Variants in TDRD1 observed in about 807,000 individuals in gnomAD.
The protein encoded by TDRD1 is tudor domain containing 1.
Under a neutral mutation model 140.6 loss-of-function variants are expected in TDRD1, and 37 were observed. That is an observed-to-expected ratio of 0.26 (90% CI 0.20 to 0.35). TDRD1 has a LOEUF of 0.35. TDRD1 is among the 10% of genes least tolerant of loss of function. TDRD1 has a pLI of 1.00. For missense variants in TDRD1, 1,243 were observed against 1,393.0 expected (o/e 0.89, Z 1.71); for synonymous variants, 506 against 475.7 (o/e 1.06, Z -0.83).
intron 6 of TDRD1, 45 bp from the exon 7 acceptor site, chr10:114,203,027 C>T (rs370157403): frequency 5.8e-5 from 75 of 1,294,886 alleles, no homozygotes; most frequent in East Asian, 3.0e-4. Context: ...ATCATTGAAA[C>T]ATGTGCTTTT....
intron 16 of TDRD1, among the ~76,000 whole-genome samples, chr10:114,216,124 T>C (rs985844185): frequency 4.6e-5 from 7 of 152,248 alleles, no homozygotes; most frequent in African/African-American, 1.7e-4. Flanking sequence ...CAGCTTCTCC[T>C]GTAGTTAGCA....
chr10:114,227,880 T>C (rs756257834), intron 23 of TDRD1, 30 bp from the exon 24 acceptor site: 1 of 1,591,320 alleles, frequency 6.3e-7, no homozygotes, highest in South Asian at 1.1e-5. Flanking sequence ...TTATGTGTTA[T>C]CTAATGGCTT....
chr10:114,182,873 A>G (rs549393477), intron 1 of TDRD1, among the ~76,000 whole-genome samples: 22 of 151,858 alleles, frequency 1.4e-4, no homozygotes, highest in African/African-American at 5.3e-4. Flanking sequence ...TTTAGTAGAG[A>G]CGGGGTTTCA....
At chr10:114,200,489 C>G (rs557884790) in intron 4 of TDRD1, among the ~76,000 whole-genome samples, 9 of 152,120 alleles carry the variant, frequency 5.9e-5, no homozygotes, top group Middle Eastern at 3.4e-3. Flanking sequence ...GTGTGATTCT[C>G]ATTGTTTATT....
intron 11 of TDRD1, 121 bp from the exon 12 acceptor site, chr10:114,210,460 C>T (rs993396710): frequency 1.6e-5 from 15 of 956,982 alleles, no homozygotes; most frequent in Middle Eastern, 3.5e-4. Flanking sequence ...CTCAGACTGC[C>T]ATCTTCCAGG....
exon 26 of TDRD1, chr10:114,231,991 AAAT>A (rs2036782435): frequency 6.6e-6 from 1 of 151,712 alleles, no homozygotes; most frequent in Non-Finnish European, 1.5e-5. Flanking sequence ...TGTCCGTTTG[AAAT>A]ATTTTGTAAT....
chr10:114,213,926 C>T (rs761275905), intron 15 of TDRD1, 51 bp from the exon 16 acceptor site: 31 of 1,597,592 alleles, frequency 1.9e-5, no homozygotes, highest in Middle Eastern at 1.7e-4. Flanking sequence ...ACCCCAACCT[C>T]GCTACATCCC....
At chr10:114,195,590 T>C (rs146910105) in intron 3 of TDRD1, among the ~76,000 whole-genome samples, 81 of 152,326 alleles carry the variant, frequency 5.3e-4, no homozygotes, top group African/African-American at 1.9e-3. Flanking sequence ...CTGTAATCTG[T>C]TTTATCTGAT....
upstream of TDRD1, among the ~76,000 whole-genome samples, chr10:114,176,047 G>T (rs2032688856): frequency 6.6e-6 from 1 of 152,054 alleles, no homozygotes; most frequent in South Asian, 2.1e-4. The surrounding 1 kb of genome is among the most constrained non-coding windows in gnomAD (Gnocchi z 4.2). Context: ...AAACCCTGAT[G>T]AAATAATGGA....
intron 25 of TDRD1, among the ~76,000 whole-genome samples, chr10:114,229,140 C>T (rs2036610494): frequency 6.6e-6 from 1 of 151,996 alleles, no homozygotes; most frequent in Admixed American, 6.6e-5. Flanking sequence ...ATAAAGTTGT[C>T]TCTCCTCACC....
At chr10:114,228,172 A>C (rs11196661) in intron 25 of TDRD1, 62,565 of 1,522,006 alleles carry the variant, frequency 0.041, 1,489 homozygotes, top group Admixed American at 0.054. Context: ...GTGATCACCA[A>C]TAGGACATCT....
At position 114,219,684 on chromosome 10, in the gene TDRD1, T is replaced by C. The variant is rs575300459; in HGVS notation, c.2495-884T>C. On this transcript the variant is annotated intron_variant, in intron 18 of 25. Transcript: ENST00000251864. Reference sequence around the variant, plus strand: ...CTCACTGCAACCTCTGCCTCCCAGATTCAAGCGATTCTCCTACCTCATCAG... The same window carrying C: ...CTCACTGCAACCTCTGCCTCCCAGACTCAAGCGATTCTCCTACCTCATCAG... Among the ~76,000 whole-genome samples, 10 of 151,982 alleles carry C rather than the reference T, an allele frequency of 6.6e-5. No homozygotes were observed. The South Asian group carries it at 2.1e-3, about 32-fold the overall frequency.
chr10:114,179,963 C>T (rs1027028356), intron 1 of TDRD1: 3 of 152,206 alleles, frequency 2.0e-5, no homozygotes. Flanking sequence ...CAGCACGGTG[C>T]TGTATGCTTA....
At chr10:114,222,700 A>G in exon 21 of TDRD1, 7 of 1,572,532 alleles carry the variant, frequency 4.5e-6, no homozygotes, top group Non-Finnish European at 6.1e-6. Context: ...TGCCAAATAC[A>G]CAAGTAAGGT....
exon 6 of TDRD1, chr10:114,202,292 C>T (rs1198094462): frequency 5.6e-6 from 9 of 1,601,852 alleles, no homozygotes; most frequent in Non-Finnish European, 6.8e-6. Context: ...TGGAGGTAAA[C>T]AATAAGGTAT....
chr10:114,178,599 G>T (rs1359077806), upstream of TDRD1, among the ~76,000 whole-genome samples: 1 of 152,192 alleles, frequency 6.6e-6, no homozygotes, highest in Admixed American at 6.5e-5. Flanking sequence ...GGAGGGCTGA[G>T]ATGTTACTAA....
At chr10:114,202,697 T>A (rs1176147258) in intron 6 of TDRD1, among the ~76,000 whole-genome samples, 1 of 152,258 alleles carries the variant, frequency 6.6e-6, no homozygotes, top group East Asian at 1.9e-4. Context: ...TATTTATGAA[T>A]AATTTTTAGC....
intron 16 of TDRD1, among the ~76,000 whole-genome samples, chr10:114,215,773 A>G (rs111504008): frequency 2.6e-5 from 4 of 152,320 alleles, no homozygotes; most frequent in African/African-American, 9.6e-5. Context: ...TACAAACATA[A>G]TATAAAAATT....
chr10:114,203,010 C>G, intron 6 of TDRD1, 62 bp from the exon 7 acceptor site: 1 of 1,058,564 alleles, frequency 9.4e-7, no homozygotes, highest in Non-Finnish European at 1.5e-6. Flanking sequence ...CGTGTAGTGG[C>G]CATAGAATCA....
Sources: allele counts gnomAD v4.1 joint callset (sites outside exome capture counted in the v4.1 genomes callset), GRCh38; gene constraint gnomAD v4.1.1; non-coding constraint Gnocchi (gnomAD v3.1); transcripts MANE v1.5; gene names NCBI Gene and HGNC (gene_info 2026-07-23, HGNC 2026-07-21).